Variants in THSD4 observed in about 807,000 individuals in gnomAD.
THSD4 encodes the protein thrombospondin type-1 domain-containing protein 4.
A neutral mutation model predicts 119.0 loss-of-function variants in THSD4; 69 were observed. The observed-to-expected ratio is 0.58, with a 90% CI of 0.48 to 0.71. The LOEUF is 0.71. Among genes scored for constraint, THSD4 ranks in the 30% least tolerant of loss-of-function variants. The pLI, the probability that THSD4 is intolerant of heterozygous loss-of-function variation, is 0.00. For missense variants in THSD4, 1,393 were observed against 1,391.1 expected, an observed-to-expected ratio of 1.00 and a Z score of -0.02; for synonymous variants, 524 against 540.4, an observed-to-expected ratio of 0.97 and a Z score of 0.42.
intron 6 of THSD4, among the ~76,000 whole-genome samples, chr15:71,327,267 A>G (rs2045358740): frequency 6.6e-6 from 1 of 152,122 alleles, no homozygotes; most frequent in African/African-American, 2.4e-5. Flanking sequence ...TGTGAAATAC[A>G]TAAATTCCCA....
chr15:71,693,838 TCTTC>T (rs2052105416), intron 8 of THSD4, among the ~76,000 whole-genome samples: 2 of 152,090 alleles, frequency 1.3e-5, no homozygotes, highest in African/African-American at 2.4e-5. Context: ...ATCCCTTTGC[TCTTC>T]CTTCATCTCC....
At chr15:71,727,585 TATACACACACACACACACAC>T (rs1468591262) in intron 8 of THSD4, among the ~76,000 whole-genome samples, 59 of 6,436 alleles carry the variant, frequency 9.2e-3, no homozygotes, top group African/African-American at 0.014. Context: ...TATATATATA[TATACACACACACACACACAC>T]ACACACACAC....
chr15:71,387,228 G>A (rs551606668), intron 6 of THSD4, among the ~76,000 whole-genome samples: 2 of 152,010 alleles, frequency 1.3e-5, no homozygotes, highest in Non-Finnish European at 2.9e-5. Context: ...CAGGCTGAGA[G>A]ACTATAGAAA....
At chr15:71,337,138 G>A (rs2045498925) in intron 6 of THSD4, among the ~76,000 whole-genome samples, 2 of 152,196 alleles carry the variant, frequency 1.3e-5, no homozygotes, top group South Asian at 4.1e-4. Context: ...GAGGAAGTCT[G>A]TGCATGTGGA....
chr15:71,352,336 A>C (rs937566432), intron 6 of THSD4, among the ~76,000 whole-genome samples: 5 of 152,218 alleles, frequency 3.3e-5, no homozygotes, highest in African/African-American at 7.2e-5. Flanking sequence ...ACATGGCCGG[A>C]GTTTATCCAA....
intron 7 of THSD4, among the ~76,000 whole-genome samples, chr15:71,550,367 T>G (rs1260328957): frequency 6.6e-6 from 1 of 152,200 alleles, no homozygotes; most frequent in Non-Finnish European, 1.5e-5. Flanking sequence ...GAGATGCAAC[T>G]AGAAATCTGC....
Position 71,573,180 on chromosome 15 carries a change from A to G in THSD4, c.1153-87350A>G, listed in dbSNP as rs1341013817. Among the ~76,000 whole-genome samples the G allele has an allele frequency of 1.4e-4, 21 of 152,298 alleles. 1 individual carries two copies. The East Asian group carries it at 4.0e-3, about 29-fold the overall frequency. ...TGAGGAATCCGAGCCTCCTAGGTAC[A>G]GGAATCATGACTTGTTTACTGCTCA... is the stretch of plus-strand genomic sequence containing the variant. On this transcript the variant is annotated intron_variant, in intron 7 of 17. Coordinates refer to ENST00000261862, the MANE Select transcript of THSD4 (RefSeq NM_024817.3).
At chr15:71,471,698 CTT>C (rs1365504077) in intron 7 of THSD4, among the ~76,000 whole-genome samples, 1 of 151,468 alleles carries the variant, frequency 6.6e-6, no homozygotes, top group East Asian at 1.9e-4. Context: ...GTCCCTGACA[CTT>C]TTCATTCCTG....
Position 71,746,980 on chromosome 15 carries a change from A to AC in THSD4, c.2181dup (p.Thr728HisfsTer33). On this transcript the variant is annotated frameshift_variant, in exon 13 of 18. Coordinates refer to ENST00000261862, the MANE Select transcript of THSD4 (RefSeq NM_024817.3). LOFTEE classifies it high-confidence loss of function. The stretch of plus-strand genomic sequence containing the variant: ...CTGCCAGCACCTGGAGAAACCTGAG[A>AC]CCACCAGCACCTGCCAACTCAAGAT... 1 of 1,613,500 alleles carries AC rather than the reference A, an allele frequency of 6.2e-7. No homozygotes were observed. The highest frequency in any genetic ancestry group is 8.5e-7 in the Non-Finnish European group (1 of 1,179,968).
At chr15:71,396,265 A>G (rs2046454228) in intron 6 of THSD4, among the ~76,000 whole-genome samples, 3 of 151,550 alleles carry the variant, frequency 2.0e-5, no homozygotes, top group Admixed American at 6.6e-5. Context: ...ACACATATGC[A>G]TGTACACACA....
chr15:71,427,723 G>T (rs1255069268), intron 7 of THSD4, among the ~76,000 whole-genome samples: 2 of 151,344 alleles, frequency 1.3e-5, no homozygotes, highest in African/African-American at 4.9e-5. Flanking sequence ...TTCCTCCAAG[G>T]TATGCACACT....
At chr15:71,219,128 T>G (rs1218658770) in intron 4 of THSD4, among the ~76,000 whole-genome samples, 1 of 152,140 alleles carries the variant, frequency 6.6e-6, no homozygotes, top group African/African-American at 2.4e-5. Context: ...GCCTCAGAGG[T>G]ATTGCTATAG....
In THSD4 at chr15:71,305,543, AT is replaced by A. The variant is rs2045012312; in HGVS notation, c.1015+48829del. Reference sequence around the variant, plus strand: ...ATCCTGATTCTGCCACTTAATAGTTATGACCTTCAACGGTATTCTACCTCTC... The same window carrying A: ...ATCCTGATTCTGCCACTTAATAGTTAGACCTTCAACGGTATTCTACCTCTC... On this transcript the variant is annotated intron_variant, in intron 6 of 17. Transcript: ENST00000261862. Among the ~76,000 whole-genome samples the A allele has an allele frequency of 7.9e-5, 12 of 152,276 alleles. No individual in the cohort carries two copies. In the South Asian group the frequency reaches 2.3e-3, roughly 29 times the overall value.
intron 8 of THSD4, among the ~76,000 whole-genome samples, chr15:71,673,914 G>A (rs911282019): frequency 1.3e-5 from 2 of 152,040 alleles, no homozygotes; most frequent in South Asian, 2.1e-4. Context: ...CCACCACCAC[G>A]GCTGGCCATA....
intron 7 of THSD4, among the ~76,000 whole-genome samples, chr15:71,564,331 T>C (rs957717256): frequency 3.3e-5 from 5 of 152,062 alleles, no homozygotes; most frequent in African/African-American, 1.2e-4. Flanking sequence ...GGATCAAGTG[T>C]CATGAGAACC....
rs137983097 is a variant in THSD4 at position 71,476,897 on chromosome 15, T to C, written c.1152+65074T>C. ...CAGGAGCCCCAGCTGCCTCATCAGT[T>C]ATCTGGGCCGACATAGGTTTCCAAT... On this transcript the variant is annotated intron_variant, in intron 7 of 17. Coordinates refer to ENST00000261862, the MANE Select transcript of THSD4 (RefSeq NM_024817.3). Among the ~76,000 whole-genome samples, 299 of 152,296 alleles carry C rather than the reference T, an allele frequency of 2.0e-3. 2 individuals are homozygous for C. The highest frequency in any genetic ancestry group is 6.6e-3 in the African/African-American group (276 of 41,552).
rs778110060 is a variant in THSD4 at position 71,215,053 on chromosome 15, G to T, written c.118G>T (p.Ala40Ser). ...QHRKVPQRMA[A>S]EGAPEDDGGG... is the part of the protein sequence containing the mutation. ...TCCGCAGGTCCCGCAGCGGATGGCG[G>T]CGGAGGGCGCCCCCGAGGACGACGG... The change falls in exon 4 of 18, where the codon GCG (alanine) becomes TCG (serine). Residue 40 changes from alanine (A) to serine (S), a missense_variant. Coordinates refer to ENST00000261862, the MANE Select transcript of THSD4 (RefSeq NM_024817.3). 7.7e-7 allele frequency: 1 copy of T among 1,292,270 alleles called. No homozygotes were observed. The highest frequency in any genetic ancestry group is 9.8e-7 in the Non-Finnish European group (1 of 1,015,880). The allele number at this position is 1,292,270 out of a possible 1,614,324, so 80.1% of individuals were successfully genotyped here.
intron 7 of THSD4, among the ~76,000 whole-genome samples, chr15:71,630,205 A>C (rs1256675244): frequency 1.3e-5 from 2 of 152,224 alleles, no homozygotes; most frequent in African/African-American, 4.8e-5. Context: ...TGCTGTCTTA[A>C]CTGGTGCTTC....
At chr15:71,746,743 A>T in intron 12 of THSD4, 95 bp from the exon 13 acceptor site, 1 of 1,303,652 alleles carries the variant, frequency 7.7e-7, no homozygotes, top group Non-Finnish European at 1.1e-6. Flanking sequence ...ACCCATAGTG[A>T]TTCTGATGAT....
Sources: gnomAD v4.1 joint callset for allele counts (sites outside exome capture counted in the v4.1 genomes callset) on GRCh38, gnomAD v4.1.1 for gene constraint, MANE v1.5 for transcripts, NCBI Gene and HGNC (gene_info 2026-07-23, HGNC 2026-07-21) for gene names.